The following DPP9 variants were observed in gnomAD, a reference collection of about 807,000 sequenced individuals.
The protein encoded by DPP9 is dipeptidyl peptidase 9.
DPP9 carries 50 observed loss-of-function variants against 110.7 expected under a neutral mutation model. That is an observed-to-expected ratio of 0.45 (90% CI 0.36 to 0.57). The LOEUF is 0.57. DPP9 is among the 20% of genes least tolerant of loss of function. The probability of loss-of-function intolerance (pLI) is 0.00; values close to 1 mark genes in which losing one functional copy is unlikely to be tolerated. For missense variants in DPP9, 1,022 were observed against 1,217.9 expected (o/e 0.84, Z 2.39); for synonymous variants, 561 against 514.4 (o/e 1.09, Z -1.23).
rs867416063 is a variant in DPP9, at chr19:4,710,402, G to A, written c.313+3679C>T. Among the ~76,000 whole-genome samples, 17 of 152,224 alleles carry A rather than the reference G, an allele frequency of 1.1e-4. No homozygotes were observed. The highest frequency in any genetic ancestry group is 5.2e-4 in the Admixed American group (8 of 15,284). Reference sequence around the variant, plus strand: ...GTTTGCAGTGGGGAGAGGCTGATCCGCGTGGGGCGGGAGCGGGGTCGGGAG... The same window carrying A: ...GTTTGCAGTGGGGAGAGGCTGATCCACGTGGGGCGGGAGCGGGGTCGGGAG... On this transcript the variant is annotated intron_variant, in intron 4 of 21. Coordinates refer to ENST00000262960, the MANE Select transcript of DPP9 (RefSeq NM_139159.5). The surrounding 1 kb of genome is among the most constrained non-coding windows in gnomAD (Gnocchi z 5.6).
chr19:4,683,351 A>T, intron 19 of DPP9, 126 bp downstream of exon 19: 1 of 1,494,534 alleles, frequency 6.7e-7, no homozygotes, highest in Non-Finnish European at 8.9e-7. Context: ...CCACGTGGCA[A>T]GGCCCCTGCC....
chr19:4,694,535 C>G lies in DPP9; in HGVS notation c.1516+126G>C. The G allele has an allele frequency of 1.6e-6, 2 of 1,252,090 alleles. No individual in the cohort carries two copies. Among genetic ancestry groups the G allele is most frequent in the Non-Finnish European group, 2.2e-6 (2 of 909,860 alleles). The allele number at this position is 1,252,090 out of a possible 1,614,324, so 77.6% of individuals were successfully genotyped here. A position where few individuals can be genotyped will look rare whatever the true frequency, so the allele number is the denominator to read the frequency against. ...TCACTGGGGAAGGCTGGCTTCCTGC[C>G]GATCCCTGTTCCTTCTCCCGCAGGG... On this transcript the variant is annotated intron_variant, in intron 13 of 21. Transcript: ENST00000262960. This position sits in a 1 kb window ranked among gnomAD's most constrained non-coding sequence, Gnocchi z 4.0.
At chr19:4,702,482 G>T in intron 8 of DPP9, 121 bp downstream of exon 8, 2 of 768,046 alleles carry the variant, frequency 2.6e-6, no homozygotes, top group Non-Finnish European at 4.4e-6. Flanking sequence ...TCTAGGTGTT[G>T]GTATTGACAG....
At position 4,689,975 on chromosome 19, in the gene DPP9, C is replaced by A. The variant is rs542066818; in HGVS notation, c.1597-253G>T. Among the ~76,000 whole-genome samples, 2 of 152,198 alleles carry A rather than the reference C, an allele frequency of 1.3e-5. No individual in the cohort carries two copies. Among genetic ancestry groups the A allele is most frequent in the Admixed American group, 1.3e-4 (2 of 15,282 alleles). On this transcript the variant is annotated intron_variant, in intron 14 of 21. Coordinates refer to ENST00000262960, the MANE Select transcript of DPP9 (RefSeq NM_139159.5). The surrounding 1 kb of genome is among the most constrained non-coding windows in gnomAD (Gnocchi z 7.0). ...GGCGGGACCTGGGGCCTGCATTCCA[C>A]CCCCAGACAGCTCTTTCCTAGCTTG...
At chr19:4,691,069 C>T in intron 13 of DPP9, 112 bp from the exon 14 acceptor site, 1 of 794,390 alleles carries the variant, frequency 1.3e-6, no homozygotes. Flanking sequence ...CACTGAAACC[C>T]CGGCTTGCTG....
intron 21 of DPP9, among the ~76,000 whole-genome samples, chr19:4,677,169 C>G (rs145744818): frequency 6.6e-6 from 1 of 152,272 alleles, no homozygotes; most frequent in Non-Finnish European, 1.5e-5. Context: ...AGCCAAGAGG[C>G]AGGCAGTAAC....
rs572550077 is a variant in DPP9 at position 4,685,920 on chromosome 19, G to A, written c.1886-149C>T. 2.6e-5 allele frequency: 22 copies of A among 852,262 alleles called. No homozygotes were observed. The East Asian group carries it at 4.8e-4, about 18-fold the overall frequency. The allele number at this position is 852,262 out of a possible 1,614,324, so 52.8% of individuals were successfully genotyped here. A position where few individuals can be genotyped will look rare whatever the true frequency, so the allele number is the denominator to read the frequency against. On this transcript the variant is annotated intron_variant, in intron 16 of 21. Transcript: ENST00000262960. The surrounding 1 kb of genome is among the most constrained non-coding windows in gnomAD (Gnocchi z 5.8). Reference sequence around the variant, plus strand: ...CCGAGAGTTGATAATTGAAAAAAACGTTTTTTTTTCATTAAATAAGATTTG... The same window carrying A: ...CCGAGAGTTGATAATTGAAAAAAACATTTTTTTTTCATTAAATAAGATTTG...
chr19:4,720,452 G>T (rs2093270035), intron 2 of DPP9, among the ~76,000 whole-genome samples: 1 of 152,138 alleles, frequency 6.6e-6, no homozygotes, highest in Admixed American at 6.5e-5. Flanking sequence ...GCTCTTTCTT[G>T]CCCTGTGGCT....
chr19:4,695,687 A>G lies in DPP9; in HGVS notation c.1176-132T>C. 1.4e-6 allele frequency: 1 copy of G among 727,302 alleles called. No individual in the cohort carries two copies. Among genetic ancestry groups the G allele is most frequent in the Non-Finnish European group, 2.0e-6 (1 of 488,006 alleles). The allele number at this position is 727,302 out of a possible 1,614,324, so 45.1% of individuals were successfully genotyped here. ...GGCTTCCTGCGCTGGCTTCACCTGC[A>G]CTTGGCCAAGTAACCCTGCAGCACC... On this transcript the variant is annotated intron_variant, in intron 11 of 21. Coordinates refer to ENST00000262960, the MANE Select transcript of DPP9 (RefSeq NM_139159.5). This position sits in a 1 kb window ranked among gnomAD's most constrained non-coding sequence, Gnocchi z 4.7.
chr19:4,692,620 G>A (rs1380883119), intron 13 of DPP9, among the ~76,000 whole-genome samples: 1 of 152,164 alleles, frequency 6.6e-6, no homozygotes, highest in Non-Finnish European at 1.5e-5. Flanking sequence ...ACAGGCCGGG[G>A]GTCCCTGGGG....
intron 2 of DPP9, among the ~76,000 whole-genome samples, chr19:4,721,552 G>A (rs954163639): frequency 7.2e-5 from 11 of 152,144 alleles, no homozygotes; most frequent in Non-Finnish European, 1.6e-4. Flanking sequence ...GGGCTGAGGC[G>A]GGCAGATCAC....
In DPP9 at chr19:4,710,029, T is replaced by C. The variant is rs1171070829; in HGVS notation, c.313+4052A>G. Among the ~76,000 whole-genome samples, 1 of 152,206 alleles carries C rather than the reference T, an allele frequency of 6.6e-6. No individual in the cohort carries two copies. Among genetic ancestry groups the C allele is most frequent in the Non-Finnish European group, 1.5e-5 (1 of 68,020 alleles). On this transcript the variant is annotated intron_variant, in intron 4 of 21. Transcript: ENST00000262960. This position sits in a 1 kb window ranked among gnomAD's most constrained non-coding sequence, Gnocchi z 5.6. Reference sequence around the variant, plus strand: ...CTGCTGGCACTATGATGGTGACAACTGGCCTTTGAGGCAAGGGCTAGAGGT... The same window carrying C: ...CTGCTGGCACTATGATGGTGACAACCGGCCTTTGAGGCAAGGGCTAGAGGT...
chr19:4,684,700 C>T lies in DPP9; in HGVS notation c.2141G>A (p.Arg714Gln), dbSNP rs762607858. 5 of 1,612,344 alleles carry T rather than the reference C, an allele frequency of 3.1e-6. No homozygotes were observed. Among genetic ancestry groups the T allele is most frequent in the East Asian group, 2.2e-5 (1 of 44,820 alleles). ...VVIDGRGSCQ[R>Q]GLRFEGALKN... ...CAGGGCCCCTTCGAACCGAAGCCCT[C>T]GCTGACAGGAGCCCCTGCCGTCAAT... is the stretch of plus-strand genomic sequence containing the variant. The change falls in exon 18 of 22, where the codon CGA (arginine) becomes CAA (glutamine). Residue 714 changes from arginine (R) to glutamine (Q), a missense_variant. By Grantham distance (43) the Arg-to-Gln change is conservative. Transcript: ENST00000262960. This position sits in a 1 kb window ranked among gnomAD's most constrained non-coding sequence, Gnocchi z 4.8.
intron 19 of DPP9, chr19:4,683,231 C>G (rs2145376062): frequency 7.0e-7 from 1 of 1,431,468 alleles, no homozygotes. Context: ...CAGCCTCCCA[C>G]AGAGAGCTGC....
chr19:4,684,747 G>A lies in DPP9; in HGVS notation c.2094C>T (p.Ser698=). The change falls in exon 18 of 22, where the codon TCC becomes TCT. Residue 698 remains serine (S), a synonymous_variant. Coordinates refer to ENST00000262960, the MANE Select transcript of DPP9 (RefSeq NM_139159.5). This position sits in a 1 kb window ranked among gnomAD's most constrained non-coding sequence, Gnocchi z 4.8. ...IKYLRLNTLA[S]LGYAVVVIDG... The stretch of plus-strand genomic sequence containing the variant: ...CAATCACAACCACGGCGTAGCCCAG[G>A]GAGGCCAGTGTGTTGAGCCGCAAGT... 6.2e-7 allele frequency: 1 copy of A among 1,608,832 alleles called. No homozygotes were observed. Among genetic ancestry groups the A allele is most frequent in the Non-Finnish European group, 8.5e-7 (1 of 1,177,770 alleles).
At position 4,682,986 on chromosome 19, in the gene DPP9, A is replaced by G; in HGVS notation, c.2332-148T>C. 6.5e-7 allele frequency: 1 copy of G among 1,531,416 alleles called. No homozygotes were observed. Among genetic ancestry groups the G allele is most frequent in the Non-Finnish European group, 8.7e-7 (1 of 1,145,088 alleles). The allele number at this position is 1,531,416 out of a possible 1,614,324, so 94.9% of individuals were successfully genotyped here. The stretch of plus-strand genomic sequence containing the variant: ...TGGGGCCGGCAAGGAAGGGGCCCTC[A>G]GACCGCGTGGCCCCCGTGGACGGTG... On this transcript the variant is annotated intron_variant, in intron 19 of 21. Coordinates refer to ENST00000262960, the MANE Select transcript of DPP9 (RefSeq NM_139159.5). The surrounding 1 kb of genome is among the most constrained non-coding windows in gnomAD (Gnocchi z 7.1).
Position 4,718,458 on chromosome 19 carries a change from C to T in DPP9, c.56+1393G>A, listed in dbSNP as rs1370975887. Reference sequence around the variant, plus strand: ...TGGTGAGGACAGGGTCCTACCCATGCGCTGGATGGGGAAATGCCTCAAGGT... The same window carrying T: ...TGGTGAGGACAGGGTCCTACCCATGTGCTGGATGGGGAAATGCCTCAAGGT... On this transcript the variant is annotated intron_variant, in intron 3 of 21. Coordinates refer to ENST00000262960, the MANE Select transcript of DPP9 (RefSeq NM_139159.5). The surrounding 1 kb of genome is among the most constrained non-coding windows in gnomAD (Gnocchi z 4.3). Among the ~76,000 whole-genome samples, 6 of 152,170 alleles carry T rather than the reference C, an allele frequency of 3.9e-5. No individual in the cohort carries two copies. Among genetic ancestry groups the T allele is most frequent in the African/African-American group, 7.2e-5 (3 of 41,446 alleles).
intron 4 of DPP9, among the ~76,000 whole-genome samples, chr19:4,708,083 T>C (rs1403985442): frequency 1.3e-5 from 2 of 152,088 alleles, no homozygotes; most frequent in African/African-American, 2.4e-5. Flanking sequence ...TGACTGAAAA[T>C]CACAGACTGC....
chr19:4,683,504 C>T lies in DPP9; in HGVS notation c.2304G>A (p.Gly768=). 1 of 1,613,162 alleles carries T rather than the reference C, an allele frequency of 6.2e-7. No homozygotes were observed. The highest frequency in any genetic ancestry group is 8.5e-7 in the Non-Finnish European group (1 of 1,179,858). ...WSYGGFLSLM[G]LIHKPQVFKV... The stretch of plus-strand genomic sequence containing the variant: ...TGAACACCTGGGGCTTGTGGATTAG[C>T]CCCATGAGCGAGAGGAAGCCCCCGT... Residue 768 remains glycine (G), a synonymous_variant, in exon 19 of 22, where the codon GGG becomes GGA. Transcript: ENST00000262960.
Sources: allele counts gnomAD v4.1 joint callset (sites outside exome capture counted in the v4.1 genomes callset), GRCh38; gene constraint gnomAD v4.1.1; non-coding constraint Gnocchi (gnomAD v3.1); transcripts MANE v1.5; gene names NCBI Gene and HGNC (gene_info 2026-07-23, HGNC 2026-07-21).